The following PVT1 variants were observed in gnomAD, a reference collection of about 807,000 sequenced individuals.
PVT1 encodes the protein CXCR4/PVT1 fusion.
intron 4 of PVT1, among the ~76,000 whole-genome samples, chr8:128,043,542 G>A (rs1342144630): frequency 1.3e-5 from 2 of 152,130 alleles, no homozygotes; most frequent in African/African-American, 4.8e-5. Context: ...GATGGCCTAC[G>A]GCAGGAGCCT....
intron 3 of PVT1, among the ~76,000 whole-genome samples, chr8:127,930,828 G>C (rs1816197321): frequency 6.6e-6 from 1 of 152,156 alleles, no homozygotes; most frequent in Admixed American, 6.5e-5. Flanking sequence ...GTGACCCTGG[G>C]AGTTTAATTG....
chr8:127,819,995 G>C (rs1814711834), intron 2 of PVT1, among the ~76,000 whole-genome samples: 1 of 152,184 alleles, frequency 6.6e-6, no homozygotes, highest in African/African-American at 2.4e-5. Context: ...ATGATTCTAA[G>C]GGTGAGGTCA....
chr8:128,015,920 T>A (rs571201867), intron 4 of PVT1, among the ~76,000 whole-genome samples: 8 of 152,176 alleles, frequency 5.3e-5, no homozygotes, highest in Admixed American at 2.0e-4. Context: ...GCAGCGGAGA[T>A]GAAGGACAGG....
rs188833983 is a variant in PVT1 at position 127,824,945 on chromosome 8, C to T, written n.372+28874C>T. Among the ~76,000 whole-genome samples the T allele has an allele frequency of 6.3e-4, 95 of 151,976 alleles. 1 individual carries two copies. Among genetic ancestry groups the T allele is most frequent in the Admixed American group, 1.1e-3 (17 of 15,244 alleles). ...GACCAGCTTGGGCAACATGGTGAAA[C>T]CGCATCTCCACTCAAAATACAAAAA... On this transcript the variant is annotated intron_variant and non_coding_transcript_variant, in intron 2 of 10. Transcript: ENST00000651587.
At chr8:127,873,382 C>T (rs570801743) in intron 2 of PVT1, among the ~76,000 whole-genome samples, 2 of 152,284 alleles carry the variant, frequency 1.3e-5, no homozygotes, top group Non-Finnish European at 2.9e-5. Flanking sequence ...AAGGAGACCC[C>T]TTCTAACTTC....
At chr8:127,984,994 T>TTCCTTCCTTCCTTCCTTCCTTCCTTCC (rs1563657746) in intron 3 of PVT1, among the ~76,000 whole-genome samples, 1 of 67,090 alleles carries the variant, frequency 1.5e-5, no homozygotes, top group Non-Finnish European at 2.9e-5. Context: ...TTTCTTTCTC[T>TTCCTTCCTTCCTTCCTTCCTTCCTTCC]TTCCTTCCTT....
chr8:127,920,789 C>A (rs1816047392), intron 3 of PVT1, among the ~76,000 whole-genome samples: 1 of 152,056 alleles, frequency 6.6e-6, no homozygotes, highest in Non-Finnish European at 1.5e-5. Context: ...AACTTAAAGG[C>A]AAAACAGCTG....
chr8:127,831,385 G>A (rs1165126267), intron 2 of PVT1, among the ~76,000 whole-genome samples: 1 of 152,110 alleles, frequency 6.6e-6, no homozygotes, highest in African/African-American at 2.4e-5. Context: ...AAGATGGGCA[G>A]TAGATTGTGG....
chr8:127,827,322 A>G (rs536999444), intron 2 of PVT1, among the ~76,000 whole-genome samples: 7 of 151,464 alleles, frequency 4.6e-5, no homozygotes, highest in African/African-American at 9.8e-5. Context: ...TAACACTCAC[A>G]TGGACTGTCT....
intron 4 of PVT1, among the ~76,000 whole-genome samples, chr8:128,028,785 G>A (rs980071919): frequency 1.3e-5 from 2 of 152,118 alleles, no homozygotes; most frequent in East Asian, 3.8e-4. Flanking sequence ...GAGCATCGGA[G>A]CCTAAAAGAC....
chr8:127,913,568 G>A (rs908214273), intron 3 of PVT1, among the ~76,000 whole-genome samples: 6 of 142,280 alleles, frequency 4.2e-5, no homozygotes, highest in African/African-American at 1.9e-4. Context: ...GCCCCATGTG[G>A]GGTCTGCATT....
rs574851821 is a variant in PVT1, at chr8:127,847,256, C to A, written n.373-43333C>A. ...CCCCAAATGACACTTTGATAAGTTG[C>A]TCTACCCAATCCTAAAAAAGGAAAT... On this transcript the variant is annotated intron_variant and non_coding_transcript_variant, in intron 2 of 10. Coordinates refer to ENST00000651587, the Ensembl canonical transcript of PVT1. Among the ~76,000 whole-genome samples the A allele has an allele frequency of 2.0e-5, 3 of 152,206 alleles. No individual in the cohort carries two copies. In the South Asian group the frequency reaches 6.2e-4, roughly 32 times the overall value.
intron 2 of PVT1, among the ~76,000 whole-genome samples, chr8:127,862,574 C>T (rs1313150596): frequency 6.6e-6 from 1 of 152,136 alleles, no homozygotes; most frequent in Non-Finnish European, 1.5e-5. Flanking sequence ...GTGCACACCA[C>T]TATGCCCAGC....
chr8:127,801,662 A>G (rs1209722524), intron 2 of PVT1, among the ~76,000 whole-genome samples: 2 of 152,190 alleles, frequency 1.3e-5, no homozygotes, highest in Admixed American at 6.5e-5. Context: ...CAGGACAAAC[A>G]TGCACAGAGC....
intron 2 of PVT1, among the ~76,000 whole-genome samples, chr8:127,887,607 C>T (rs140571513): frequency 0.014 from 2,099 of 152,244 alleles, 51 homozygotes; most frequent in African/African-American, 0.048. Context: ...TTCACTGCAA[C>T]CTCCACCTCC....
At chr8:128,012,181 G>A (rs970798950) in intron 4 of PVT1, among the ~76,000 whole-genome samples, 2 of 152,176 alleles carry the variant, frequency 1.3e-5, no homozygotes, top group Non-Finnish European at 2.9e-5. Flanking sequence ...GATGCATGAA[G>A]GAGCTATTGT....
chr8:128,010,195 G>T (rs1327358724), intron 4 of PVT1: 1 of 152,162 alleles, frequency 6.6e-6, no homozygotes, highest in Non-Finnish European at 1.5e-5. Context: ...ACTGAATGCA[G>T]CAATGGTTTC....
chr8:127,798,444 C>T (rs756720685), intron 2 of PVT1, among the ~76,000 whole-genome samples: 3 of 152,058 alleles, frequency 2.0e-5, no homozygotes, highest in Non-Finnish European at 4.4e-5. Flanking sequence ...CTCTGCCTGC[C>T]GACCTTTTCT....
intron 3 of PVT1, among the ~76,000 whole-genome samples, chr8:127,909,925 G>C (rs753201420): frequency 6.6e-6 from 1 of 152,080 alleles, no homozygotes; most frequent in African/African-American, 2.4e-5. Context: ...TTTTCTTGGT[G>C]GGGTGTTCAT....
Sources: gnomAD v4.1 joint callset for allele counts (sites outside exome capture counted in the v4.1 genomes callset) on GRCh38, gnomAD v4.1.1 for gene constraint, MANE v1.5 for transcripts, NCBI Gene and HGNC (gene_info 2026-07-23, HGNC 2026-07-21) for gene names.